CLASP2: variants seen among roughly 807,000 people sequenced by gnomAD.
CLASP2 encodes the protein cytoplasmic linker associated protein 2, also known as CLIP-associating protein 2.
Under a neutral mutation model 194.4 loss-of-function variants are expected in CLASP2, and 47 were observed. The observed-to-expected ratio is 0.24, with a 90% CI of 0.19 to 0.31. CLASP2 has a LOEUF of 0.31. Ranked by LOEUF, CLASP2 falls within the 10% of genes least tolerant of loss-of-function variation. CLASP2 has a pLI of 1.00. For missense variants in CLASP2, 1,445 were observed against 1,823.6 expected (o/e 0.79, Z 3.78); for synonymous variants, 619 against 633.5 (o/e 0.98, Z 0.34).
intron 28 of CLASP2, among the ~76,000 whole-genome samples, 153 bp from the exon 29 acceptor site, chr3:33,559,538 T>C (rs1218418738): frequency 1.3e-5 from 2 of 152,188 alleles, no homozygotes; most frequent in East Asian, 1.9e-4. Context: ...TGGTATAGTA[T>C]ACAATAAATG....
At chr3:33,531,611 A>C (rs771014293) in intron 34 of CLASP2, among the ~76,000 whole-genome samples, 3 of 152,162 alleles carry the variant, frequency 2.0e-5, no homozygotes, top group Non-Finnish European at 4.4e-5. Context: ...CCCCGTCTCT[A>C]CTAAAATACA....
chr3:33,715,847 TA>T (rs59528446), intron 1 of CLASP2, among the ~76,000 whole-genome samples: 21,103 of 61,462 alleles, frequency 0.34, 1,427 homozygotes, highest in South Asian at 0.36. Context: ...GTATCTTAAG[TA>T]AAAAAAAAAA....
chr3:33,647,495 G>A (rs1259253936), intron 7 of CLASP2, among the ~76,000 whole-genome samples: 1 of 152,170 alleles, frequency 6.6e-6, no homozygotes, highest in African/African-American at 2.4e-5. Flanking sequence ...GGAGGGGATG[G>A]CATTCTTTTT....
intron 37 of CLASP2, chr3:33,505,263 C>CAAA (rs1005598939): frequency 1.3e-5 from 2 of 151,090 alleles, no homozygotes; most frequent in African/African-American, 4.9e-5. Context: ...ACAACAACAA[C>CAAA]AACAAAACAT....
chr3:33,618,167 C>G (rs977241176), intron 12 of CLASP2, among the ~76,000 whole-genome samples: 1 of 151,594 alleles, frequency 6.6e-6, no homozygotes, highest in African/African-American at 2.4e-5. Flanking sequence ...GGGCTGGTCT[C>G]GAACTACTGA....
At chr3:33,629,398 C>T (rs949704991) in intron 9 of CLASP2, among the ~76,000 whole-genome samples, 4 of 152,028 alleles carry the variant, frequency 2.6e-5, no homozygotes, top group African/African-American at 9.7e-5. Flanking sequence ...GTTTCTGGAG[C>T]AACAGGACAG....
At chr3:33,679,143 T>C (rs1347548666) in intron 6 of CLASP2, among the ~76,000 whole-genome samples, 1 of 152,140 alleles carries the variant, frequency 6.6e-6, no homozygotes, top group Non-Finnish European at 1.5e-5. Flanking sequence ...GAATAAAAGA[T>C]AGTTTCTTCA....
At chr3:33,560,061 A>G (rs966666003) in intron 28 of CLASP2, among the ~76,000 whole-genome samples, 1 of 151,682 alleles carries the variant, frequency 6.6e-6, no homozygotes, top group Admixed American at 6.6e-5. Flanking sequence ...GATATTTGAA[A>G]TAAGTGACTT....
chr3:33,643,814 C>G (rs1437134735), intron 8 of CLASP2, among the ~76,000 whole-genome samples: 1 of 151,830 alleles, frequency 6.6e-6, no homozygotes, highest in African/African-American at 2.4e-5. Flanking sequence ...TCAAAATATA[C>G]AGTTTATTTT....
At chr3:33,656,226 C>A (rs985343889) in intron 7 of CLASP2, among the ~76,000 whole-genome samples, 2 of 152,166 alleles carry the variant, frequency 1.3e-5, no homozygotes, top group Non-Finnish European at 2.9e-5. Flanking sequence ...AAATCTTTCA[C>A]ATGGTCTTGA....
chr3:33,560,331 C>A (rs2061615103), intron 28 of CLASP2, among the ~76,000 whole-genome samples: 1 of 152,006 alleles, frequency 6.6e-6, no homozygotes, highest in South Asian at 2.1e-4. Context: ...CAACCTCCAC[C>A]TCCCAGGTTC....
chr3:33,567,429 G>A (rs1402993542), intron 26 of CLASP2, among the ~76,000 whole-genome samples: 1 of 152,124 alleles, frequency 6.6e-6, no homozygotes, highest in African/African-American at 2.4e-5. Context: ...AAGAGGTAGT[G>A]TTACAAATAC....
At chr3:33,531,355 TAAAC>T (rs934315710) in intron 34 of CLASP2, among the ~76,000 whole-genome samples, 2 of 151,802 alleles carry the variant, frequency 1.3e-5, no homozygotes, top group Non-Finnish European at 2.9e-5. Context: ...ACAACAAAAA[TAAAC>T]AACCTGATTC....
chr3:33,627,973 C>T (rs1173492718), intron 9 of CLASP2, among the ~76,000 whole-genome samples: 4 of 152,006 alleles, frequency 2.6e-5, no homozygotes, highest in Non-Finnish European at 4.4e-5. Context: ...GAGCCAATGA[C>T]CCAGGTGTGA....
chr3:33,509,882 T>C (rs1390632313), intron 37 of CLASP2, among the ~76,000 whole-genome samples: 1 of 152,142 alleles, frequency 6.6e-6, no homozygotes, highest in Non-Finnish European at 1.5e-5. Context: ...TGGAGTGAAA[T>C]CTGGCAACAC....
At chr3:33,619,541 G>C in intron 12 of CLASP2, 62 bp downstream of exon 12, 2 of 1,398,580 alleles carry the variant, frequency 1.4e-6, no homozygotes, top group African/African-American at 1.5e-5. Context: ...GAAAAAGGGG[G>C]AGGAAGAAGA....
At chr3:33,615,618 T>G (rs368068679) in intron 12 of CLASP2, among the ~76,000 whole-genome samples, 2 of 150,656 alleles carry the variant, frequency 1.3e-5, no homozygotes, top group Non-Finnish European at 1.5e-5. Flanking sequence ...ATAAGCTAGA[T>G]TTAGTGATGA....
intron 7 of CLASP2, among the ~76,000 whole-genome samples, chr3:33,649,376 C>A (rs1422892599): frequency 6.6e-6 from 1 of 152,160 alleles, no homozygotes; most frequent in Non-Finnish European, 1.5e-5. Flanking sequence ...GGATTAAAAA[C>A]TTTTGTCAAC....
Position 33,538,843 on chromosome 3 carries a change from T to G in CLASP2, c.3504A>C (p.Gln1168His), listed in dbSNP as rs778138302. 23 of 1,604,610 alleles carry G rather than the reference T, an allele frequency of 1.4e-5. No homozygotes were observed. Among genetic ancestry groups the G allele is most frequent in the Non-Finnish European group, 1.9e-5 (22 of 1,175,170 alleles). The change falls in exon 33 of 39, where the codon CAA becomes CAC. Residue 1168 changes from glutamine (Q) to histidine (H), a missense_variant. Around this residue, in one of 4 missense-constraint regions of CLASP2, gnomAD observed 732 missense variants for 987.9 expected, o/e 0.74. Transcript: ENST00000682230. ...EAIQNFSFRS[Q>H]EDMNEPLKRD... The stretch of plus-strand genomic sequence containing the variant: ...TTTTCAATGGCTCATTCATATCTTC[T>G]TGGCTACGGAAGCTGAAATTCTGGA...
Sources: gnomAD v4.1 joint callset for allele counts (sites outside exome capture counted in the v4.1 genomes callset) on GRCh38, gnomAD v4.1.1 for gene constraint, gnomAD v4.1.1 regional missense constraint, MANE v1.5 for transcripts, NCBI Gene and HGNC (gene_info 2026-07-23, HGNC 2026-07-21) for gene names.